SMAD3: variants seen among roughly 807,000 people sequenced by gnomAD.
The protein encoded by SMAD3 is MAD homolog 3.
Under a neutral mutation model 51.8 loss-of-function variants are expected in SMAD3, and 12 were observed. That is an observed-to-expected ratio of 0.23 (90% CI 0.15 to 0.38). The LOEUF is 0.38. SMAD3 is among the 10% of genes least tolerant of loss of function. The pLI is 1.00. For synonymous variants in SMAD3, 238 were observed against 227.7 expected, an observed-to-expected ratio of 1.05 and a Z score of -0.41; for missense variants, 294 against 565.6, an observed-to-expected ratio of 0.52 and a Z score of 4.87.
rs1181152060 is a variant in SMAD3, at chr15:67,066,170, C to T, written c.16C>T (p.Pro6Ser). ...CTCCCCAGCCATGTCGTCCATCCTGCCTTTCACTCCCCCGATCGTGAAGCG... is the reference window on the plus strand; with the variant it reads ...CTCCCCAGCCATGTCGTCCATCCTGTCTTTCACTCCCCCGATCGTGAAGCG... MSSILPFTPPIVKRLL... is the reference protein window; with the variant it reads MSSILSFTPPIVKRLL... The change falls in exon 1 of 9, where the codon CCT becomes TCT. Residue 6 changes from proline (P) to serine (S), a missense_variant. Transcript: ENST00000327367. 1.9e-6 allele frequency: 3 copies of T among 1,603,634 alleles called. No individual in the cohort carries two copies. The highest frequency in any genetic ancestry group is 2.6e-6 in the Non-Finnish European group (3 of 1,175,864).
intron 6 of SMAD3, among the ~76,000 whole-genome samples, chr15:67,184,196 G>C (rs1963158519): frequency 6.6e-6 from 1 of 151,132 alleles, no homozygotes; most frequent in Non-Finnish European, 1.5e-5. Context: ...TGAACCCCTG[G>C]GCTCAAGCAA....
At chr15:67,148,450 A>G (rs1329580249) in intron 1 of SMAD3, among the ~76,000 whole-genome samples, 1 of 152,184 alleles carries the variant, frequency 6.6e-6, no homozygotes, top group Non-Finnish European at 1.5e-5. Context: ...TTTATTGCAA[A>G]TCGCTGTATT....
At chr15:67,149,469 T>TTC (rs1289869532) in intron 1 of SMAD3, among the ~76,000 whole-genome samples, 7 of 152,090 alleles carry the variant, frequency 4.6e-5, no homozygotes, top group African/African-American at 1.7e-4. Flanking sequence ...GGATGCAGCT[T>TTC]TCAGACAAGG....
chr15:67,176,800 G>T lies in SMAD3; in HGVS notation c.659-4441G>T, dbSNP rs1680480516. Among the ~76,000 whole-genome samples the T allele has an allele frequency of 2.6e-5, 4 of 152,194 alleles. No homozygotes were observed. In the South Asian group the frequency reaches 8.3e-4, roughly 31 times the overall value. ...CTGGTGGGGGAGGGGGATCCACAAA[G>T]GCTGGAGCTGGAGGTTCCTGCGTCT... On this transcript the variant is annotated intron_variant, in intron 5 of 8. Coordinates refer to ENST00000327367, the MANE Select transcript of SMAD3 (RefSeq NM_005902.4).
rs576930184 is a variant in SMAD3, at chr15:67,151,363, C to T, written c.207-13532C>T. On this transcript the variant is annotated intron_variant, in intron 1 of 8. Coordinates refer to ENST00000327367, the MANE Select transcript of SMAD3 (RefSeq NM_005902.4). ...ATTTATTTATTTTGAGACGGAGTCTCTCTCTGTTGCCCAGGCTGGAGTGCA... is the reference window on the plus strand; with the variant it reads ...ATTTATTTATTTTGAGACGGAGTCTTTCTCTGTTGCCCAGGCTGGAGTGCA... Among the ~76,000 whole-genome samples, 3 of 151,912 alleles carry T rather than the reference C, an allele frequency of 2.0e-5. No homozygotes were observed. In the South Asian group the frequency reaches 6.3e-4, roughly 32 times the overall value.
chr15:67,140,977 A>C (rs1022461329), intron 1 of SMAD3, among the ~76,000 whole-genome samples: 7 of 152,166 alleles, frequency 4.6e-5, no homozygotes, highest in African/African-American at 1.7e-4. Flanking sequence ...ATTTACACAC[A>C]AAATCTCCCA....
chr15:67,194,901 A>C lies in SMAD3; in HGVS notation c.*4365A>C, dbSNP rs1037685997. ...ACTCACCTTCACTGCTGCTGTTGCA[A>C]CTCGGCTGTTCTGGACTCTGATGTG... is the stretch of plus-strand genomic sequence containing the variant. On this transcript the variant is annotated 3_prime_UTR_variant, in exon 9 of 9. Coordinates refer to ENST00000327367, the MANE Select transcript of SMAD3 (RefSeq NM_005902.4). The C allele has an allele frequency of 4.3e-6, 1 of 233,532 alleles. No individual in the cohort carries two copies. The highest frequency in any genetic ancestry group is 5.6e-5 in the Admixed American group (1 of 17,758). 14.5% of individuals were successfully genotyped at this position (233,532 alleles called of 1,614,324 possible).
At chr15:67,189,539 C>G (rs1963306376) in intron 8 of SMAD3, among the ~76,000 whole-genome samples, 1 of 152,240 alleles carries the variant, frequency 6.6e-6, no homozygotes, top group Non-Finnish European at 1.5e-5. Flanking sequence ...TGCACAGCAG[C>G]CTGACGGGCG....
chr15:67,137,381 A>G (rs1961693117), intron 1 of SMAD3, among the ~76,000 whole-genome samples: 1 of 152,160 alleles, frequency 6.6e-6, no homozygotes, highest in South Asian at 2.1e-4. Flanking sequence ...AATTATTTTC[A>G]TTAGGATCAC....
At chr15:67,190,076 TC>T (rs1401530358) in intron 8 of SMAD3, among the ~76,000 whole-genome samples, 5 of 152,118 alleles carry the variant, frequency 3.3e-5, no homozygotes, top group African/African-American at 1.2e-4. Flanking sequence ...GATGGAGGTC[TC>T]CTCTATTAGG....
At chr15:67,125,900 G>GTTCCCACAGGATGCGACA in intron 1 of SMAD3, 1 of 985,468 alleles carries the variant, frequency 1.0e-6, no homozygotes, top group Non-Finnish European at 1.2e-6. Context: ...CACACGCTGG[G>GTTCCCACAGGATGCGACA]TTCCCACAGG....
chr15:67,091,221 G>A (rs992339183), intron 1 of SMAD3, among the ~76,000 whole-genome samples: 7 of 152,186 alleles, frequency 4.6e-5, no homozygotes, highest in South Asian at 2.1e-4. Context: ...ACATCTTTGC[G>A]TATTATTCCT....
rs796254556 is a variant in SMAD3 at position 67,151,044 on chromosome 15, G to A, written c.207-13851G>A. The stretch of plus-strand genomic sequence containing the variant: ...CTAATTTTTTTGTATTTTTAGTAGA[G>A]ACGGGGTTTCACCATGTTGGCCAGG... On this transcript the variant is annotated intron_variant, in intron 1 of 8. Transcript: ENST00000327367. Among the ~76,000 whole-genome samples the A allele has an allele frequency of 6.6e-5, 10 of 151,174 alleles. No individual in the cohort carries two copies. In the South Asian group the frequency reaches 1.0e-3, roughly 16 times the overall value.
At chr15:67,113,729 A>C (rs1482524968) in intron 1 of SMAD3, among the ~76,000 whole-genome samples, 1 of 152,224 alleles carries the variant, frequency 6.6e-6, no homozygotes, top group Non-Finnish European at 1.5e-5. Flanking sequence ...CAGGGACTGA[A>C]ATATAAGCAT....
intron 1 of SMAD3, chr15:67,098,715 A>AG: frequency 1.7e-6 from 1 of 603,558 alleles, no homozygotes; most frequent in South Asian, 1.9e-5. Flanking sequence ...AACTGTCCAC[A>AG]GGACACTTGG....
chr15:67,147,163 A>AAG lies in SMAD3; in HGVS notation c.207-17719_207-17718dup, dbSNP rs374240809. 1.5e-3 allele frequency among the ~76,000 whole-genome samples: 231 copies of AAG among 151,680 alleles called. 1 individual carries two copies. The highest frequency in any genetic ancestry group is 2.8e-3 in the Non-Finnish European group (187 of 67,830). ...GTGGTGTTCTGAGAGTAGAGGAGGG[A>AAG]AGAGAGAGAGAGAGCCAGAACTGTT... On this transcript the variant is annotated intron_variant, in intron 1 of 8. Transcript: ENST00000327367.
chr15:67,183,011 ATATATATATATATATATATATTTTTTT>A (rs1963115871), intron 6 of SMAD3, among the ~76,000 whole-genome samples: 2 of 68,928 alleles, frequency 2.9e-5, no homozygotes, highest in Non-Finnish European at 5.2e-5. Context: ...ATATATATAT[ATATATATATATATATATATATTTTTTT>A]TTTTTTTTTT....
Position 67,065,842 on chromosome 15 carries a change from G to T in SMAD3, c.-313G>T, listed in dbSNP as rs1030028901. 3.7e-4 allele frequency: 80 copies of T among 215,184 alleles called. No homozygotes were observed. The highest frequency in any genetic ancestry group is 1.8e-3 in the African/African-American group (78 of 44,264). 13.3% of individuals were successfully genotyped at this position (215,184 alleles called of 1,614,324 possible). Reference sequence around the variant, plus strand: ...CCGTGCGGAAACCCAAACTTCTGCTGCCACTTGGAGTCTCGCGGCCGCCGC... The same window carrying T: ...CCGTGCGGAAACCCAAACTTCTGCTTCCACTTGGAGTCTCGCGGCCGCCGC... On this transcript the variant is annotated 5_prime_UTR_variant, in exon 1 of 9. Coordinates refer to ENST00000327367, the MANE Select transcript of SMAD3 (RefSeq NM_005902.4).
intron 6 of SMAD3, among the ~76,000 whole-genome samples, chr15:67,183,023 A>AT (rs1963120708): frequency 1.4e-5 from 1 of 72,972 alleles, no homozygotes; most frequent in African/African-American, 6.7e-5. Flanking sequence ...ATATATATAT[A>AT]TATATATATT....
Sources: gnomAD v4.1 joint callset for allele counts (sites outside exome capture counted in the v4.1 genomes callset) on GRCh38, gnomAD v4.1.1 for gene constraint, MANE v1.5 for transcripts, NCBI Gene and HGNC (gene_info 2026-07-23, HGNC 2026-07-21) for gene names.